FAM117B: variants seen among roughly 807,000 people sequenced by gnomAD.
FAM117B encodes protein FAM117B.
FAM117B carries 22 observed loss-of-function variants against 52.8 expected under a neutral mutation model. The observed-to-expected ratio is 0.42, with a 90% CI of 0.30 to 0.59. The LOEUF is 0.59. FAM117B is among the 20% of genes least tolerant of loss of function. The pLI is 0.22. For missense variants in FAM117B, 678 were observed against 802.6 expected, an observed-to-expected ratio of 0.84 and a Z score of 1.88; for synonymous variants, 309 against 324.1, an observed-to-expected ratio of 0.95 and a Z score of 0.50.
rs926978491 is a variant in FAM117B at position 202,695,959 on chromosome 2, C to T, written c.680C>T (p.Pro227Leu). The change falls in exon 2 of 8, where the codon CCG becomes CTG. Residue 227 changes from proline to leucine, a missense_variant. By Grantham distance (98) the Pro-to-Leu change is moderately conservative. This residue lies in a region of FAM117B where 583 missense variants were observed against 644.8 expected (regional missense o/e 0.90). Coordinates refer to ENST00000392238, the MANE Select transcript of FAM117B (RefSeq NM_173511.4). Reference sequence around the variant, plus strand: ...TCCTCCCTGGATACTCTTGCTGCACCGTATCTTGCTGGACACTGGCCTCGG... The same window carrying T: ...TCCTCCCTGGATACTCTTGCTGCACTGTATCTTGCTGGACACTGGCCTCGG... The part of the protein sequence containing the change: ...RTSSLDTLAA[P>L]YLAGHWPRDS... The T allele has an allele frequency of 6.8e-6, 11 of 1,614,000 alleles. No individual in the cohort carries two copies. The highest frequency in any genetic ancestry group is 2.2e-5 in the South Asian group (2 of 91,078).
intron 1 of FAM117B, among the ~76,000 whole-genome samples, chr2:202,645,344 A>G (rs1421372669): frequency 2.9e-4 from 43 of 150,716 alleles, no homozygotes; most frequent in Admixed American, 2.5e-3. Flanking sequence ...GCTGGAGTGC[A>G]GTGGCGAGAT....
intron 1 of FAM117B, among the ~76,000 whole-genome samples, chr2:202,652,835 TTC>T (rs1320877101): frequency 6.6e-6 from 1 of 152,204 alleles, no homozygotes; most frequent in Non-Finnish European, 1.5e-5. Flanking sequence ...CCTTTGGACA[TTC>T]TCTCTAGCAG....
At chr2:202,682,029 C>A (rs1393412990) in intron 1 of FAM117B, among the ~76,000 whole-genome samples, 1 of 152,216 alleles carries the variant, frequency 6.6e-6, no homozygotes, top group Non-Finnish European at 1.5e-5. Flanking sequence ...AGTTTGACTT[C>A]AAAGGGACAG....
At chr2:202,663,808 TC>T (rs1352248091) in intron 1 of FAM117B, among the ~76,000 whole-genome samples, 1 of 152,200 alleles carries the variant, frequency 6.6e-6, no homozygotes, top group Non-Finnish European at 1.5e-5. Flanking sequence ...GGTCTCAAAC[TC>T]CTGACCTCTG....
intron 4 of FAM117B, among the ~76,000 whole-genome samples, chr2:202,727,247 T>C (rs921454905): frequency 4.6e-5 from 7 of 152,184 alleles, no homozygotes; most frequent in African/African-American, 1.4e-4. Context: ...CTAGAAGACT[T>C]AGTTCTGTGA....
At chr2:202,646,557 A>G (rs959219230) in intron 1 of FAM117B, among the ~76,000 whole-genome samples, 2 of 151,994 alleles carry the variant, frequency 1.3e-5, no homozygotes, top group Non-Finnish European at 2.9e-5. Flanking sequence ...GATTTTCCCA[A>G]TCTTTTTGTT....
intron 1 of FAM117B, among the ~76,000 whole-genome samples, chr2:202,650,802 C>G (rs909118863): frequency 6.6e-6 from 1 of 152,122 alleles, no homozygotes; most frequent in Non-Finnish European, 1.5e-5. Flanking sequence ...GAAGACTCAG[C>G]AAGTCCGCTC....
Position 202,635,281 on chromosome 2 carries a change from T to C in FAM117B, c.94T>C (p.Leu32=), listed in dbSNP as rs1689659213. The part of the protein sequence containing the change: ...VATAGGPGSR[L]QPMRATVPFQ... ...CACGGCCGGGGGACCCGGGAGCCGCTTGCAGCCCATGAGGGCGACGGTTCC... is the reference window on the plus strand; with the variant it reads ...CACGGCCGGGGGACCCGGGAGCCGCCTGCAGCCCATGAGGGCGACGGTTCC... The change falls in exon 1 of 8, where the codon TTG becomes CTG. Residue 32 remains leucine, a synonymous_variant. Transcript: ENST00000392238. The C allele has an allele frequency of 3.6e-6, 5 of 1,404,822 alleles. No homozygotes were observed. Among genetic ancestry groups the C allele is most frequent in the East Asian group, 3.0e-5 (1 of 33,020 alleles). The allele number at this position is 1,404,822 out of a possible 1,614,324, so 87.0% of individuals were successfully genotyped here.
chr2:202,753,208 A>G (rs765558490), intron 4 of FAM117B, among the ~76,000 whole-genome samples: 11 of 152,190 alleles, frequency 7.2e-5, no homozygotes, highest in Non-Finnish European at 1.5e-4. Context: ...CCTTAGAAAT[A>G]ACACCACACA....
chr2:202,654,391 A>G (rs1321893798), intron 1 of FAM117B, among the ~76,000 whole-genome samples: 1 of 151,898 alleles, frequency 6.6e-6, no homozygotes, highest in African/African-American at 2.4e-5. Flanking sequence ...GCCTATCTTG[A>G]GCACTATTTT....
intron 1 of FAM117B, among the ~76,000 whole-genome samples, chr2:202,665,260 A>C (rs555482760): frequency 3.8e-4 from 58 of 151,372 alleles, no homozygotes; most frequent in African/African-American, 1.3e-3. Context: ...GCTTACTGCA[A>C]CCTCTGCCTC....
intron 4 of FAM117B, among the ~76,000 whole-genome samples, chr2:202,750,311 G>A (rs1464921910): frequency 6.6e-6 from 1 of 152,136 alleles, no homozygotes; most frequent in Non-Finnish European, 1.5e-5. Flanking sequence ...AGGAGTTTGA[G>A]GCCAGCCTGG....
chr2:202,726,187 A>C, intron 3 of FAM117B, 63 bp from the exon 4 acceptor site: 1 of 1,073,236 alleles, frequency 9.3e-7, no homozygotes, highest in Non-Finnish European at 1.4e-6. Context: ...CTTATTAAGC[A>C]AGGATGTGTT....
intron 2 of FAM117B, among the ~76,000 whole-genome samples, chr2:202,710,370 G>A (rs1350609231): frequency 1.3e-5 from 2 of 151,646 alleles, no homozygotes; most frequent in African/African-American, 2.4e-5. Context: ...GTTATTTTTT[G>A]GTGCTGTTGT....
At chr2:202,655,707 T>TGAGAGACAGA (rs1398513491) in intron 1 of FAM117B, among the ~76,000 whole-genome samples, 1,390 of 98,668 alleles carry the variant, frequency 0.014, 73 homozygotes, top group Middle Eastern at 0.02. Flanking sequence ...GGGAAGAGAG[T>TGAGAGACAGA]GAGAGAGAGA....
At chr2:202,718,271 T>C (rs1206959385) in intron 2 of FAM117B, among the ~76,000 whole-genome samples, 5 of 152,228 alleles carry the variant, frequency 3.3e-5, no homozygotes, top group Non-Finnish European at 7.3e-5. Context: ...CTTGGTGCTC[T>C]CTGCCACTGT....
chr2:202,721,152 A>G (rs972787556), intron 2 of FAM117B, among the ~76,000 whole-genome samples: 2 of 151,948 alleles, frequency 1.3e-5, no homozygotes, highest in Admixed American at 1.3e-4. Context: ...TTTTTTTTCT[A>G]ACTATATTTG....
intron 1 of FAM117B, among the ~76,000 whole-genome samples, chr2:202,647,664 A>G (rs1204962205): frequency 3.3e-5 from 5 of 152,232 alleles, no homozygotes; most frequent in African/African-American, 7.2e-5. Flanking sequence ...TTTGGGGCAG[A>G]TGAGGAAATC....
At chr2:202,663,386 GTTA>G (rs1288421701) in intron 1 of FAM117B, among the ~76,000 whole-genome samples, 1 of 152,106 alleles carries the variant, frequency 6.6e-6, no homozygotes, top group Non-Finnish European at 1.5e-5. Context: ...AGGAAATAGT[GTTA>G]TTGTGCTACA....
Sources: gnomAD v4.1 joint callset for allele counts (sites outside exome capture counted in the v4.1 genomes callset) on GRCh38, gnomAD v4.1.1 for gene constraint, gnomAD v4.1.1 regional missense constraint, MANE v1.5 for transcripts, NCBI Gene and HGNC (gene_info 2026-07-23, HGNC 2026-07-21) for gene names.